PCDHA7: variants seen among roughly 807,000 people sequenced by gnomAD.
PCDHA7 encodes protocadherin alpha 7, also known as protocadherin alpha-7.
A neutral mutation model predicts 57.2 loss-of-function variants in PCDHA7; 37 were observed. The ratio of observed to expected loss-of-function variants is 0.65; its 90% CI spans 0.50 to 0.85. The LOEUF is 0.85. Ranked by LOEUF, PCDHA7 falls within the 40% of genes least tolerant of loss-of-function variation. The probability of loss-of-function intolerance (pLI) is 0.00; values close to 1 mark genes in which losing one functional copy is unlikely to be tolerated. For missense variants in PCDHA7, 1,188 were observed against 1,241.8 expected, an observed-to-expected ratio of 0.96 and a Z score of 0.65; for synonymous variants, 553 against 558.8, an observed-to-expected ratio of 0.99 and a Z score of 0.15.
At chr5:140,917,374 C>T (rs1378508006) in intron 1 of PCDHA7, among the ~76,000 whole-genome samples, 1 of 151,778 alleles carries the variant, frequency 6.6e-6, no homozygotes, top group East Asian at 1.9e-4. Flanking sequence ...CTTGCTCCAC[C>T]TCAATAGTCT....
intron 1 of PCDHA7, chr5:140,882,291 G>A: frequency 6.2e-7 from 1 of 1,613,650 alleles, no homozygotes; most frequent in Non-Finnish European, 8.5e-7. Flanking sequence ...TGGCAAGGAG[G>A]CCCAAGACCG....
At chr5:140,952,098 C>T (rs1337442909) in intron 1 of PCDHA7, among the ~76,000 whole-genome samples, 2 of 152,108 alleles carry the variant, frequency 1.3e-5, no homozygotes, top group African/African-American at 4.8e-5. Flanking sequence ...ACATCCAGGG[C>T]ACACTCGTGT....
At chr5:140,886,664 A>G (rs1404216677) in intron 1 of PCDHA7, among the ~76,000 whole-genome samples, 1 of 151,922 alleles carries the variant, frequency 6.6e-6, no homozygotes, top group East Asian at 1.9e-4. Flanking sequence ...TGTCTCTACT[A>G]AAAATACAAA....
chr5:140,903,513 T>C (rs2070347965), intron 1 of PCDHA7, among the ~76,000 whole-genome samples: 2 of 152,216 alleles, frequency 1.3e-5, no homozygotes, highest in South Asian at 2.1e-4. Flanking sequence ...AATAGTTCTA[T>C]TGTGTTGTTC....
At chr5:140,987,963 T>C (rs2097275753) in intron 3 of PCDHA7, among the ~76,000 whole-genome samples, 1 of 152,190 alleles carries the variant, frequency 6.6e-6, no homozygotes, top group Non-Finnish European at 1.5e-5. Context: ...CAACTCCCCA[T>C]GGAAAGACTC....
Position 140,835,111 on chromosome 5 carries a change from A to G in PCDHA7, c.728A>G (p.Asp243Gly). 2.3e-6 allele frequency: 3 copies of G among 1,290,786 alleles called. No individual in the cohort carries two copies. Among genetic ancestry groups the G allele is most frequent in the Middle Eastern group, 2.7e-4 (1 of 3,742 alleles). The allele number at this position is 1,290,786 out of a possible 1,614,324, so 80.0% of individuals were successfully genotyped here. The change falls in exon 1 of 4, where the codon GAC becomes GGC. Residue 243 changes from aspartate to glycine, a missense_variant. Transcript: ENST00000525929. ...LDNNDNAPVFDRTLYTVKLPE... is the reference protein window; with the variant it reads ...LDNNDNAPVFGRTLYTVKLPE... ...AACAATGACAATGCCCCAGTGTTCG[A>G]CAGAACCCTGTATACGGTGAAATTA...
chr5:140,963,238 A>G (rs1347398946), intron 1 of PCDHA7, among the ~76,000 whole-genome samples: 1 of 152,090 alleles, frequency 6.6e-6, no homozygotes, highest in Non-Finnish European at 1.5e-5. Context: ...TGTTTGATGG[A>G]TTAGGTAGGT....
At position 140,926,851 on chromosome 5, in the gene PCDHA7, T is replaced by G. The variant is rs201136210; in HGVS notation, c.2356-52098T>G. On this transcript the variant is annotated intron_variant, in intron 1 of 3. Transcript: ENST00000525929. The stretch of plus-strand genomic sequence containing the variant: ...TCCGGAGCATGGTCCTGGGTCACCG[T>G]TGGTGTAGCGTGTTGGTGGAACGTG... 3 of 1,517,102 alleles carry G rather than the reference T, an allele frequency of 2.0e-6. No homozygotes were observed. In the African/African-American group the frequency reaches 4.2e-5, roughly 21 times the overall value. The allele number at this position is 1,517,102 out of a possible 1,614,324, so 94.0% of individuals were successfully genotyped here.
At chr5:140,928,666 T>C in intron 1 of PCDHA7, 8 of 1,614,212 alleles carry the variant, frequency 5.0e-6, no homozygotes, top group Non-Finnish European at 6.8e-6. Context: ...TGACAGTGGT[T>C]CTAATGCCTG....
chr5:141,006,177 AAG>A (rs2098258661), intron 3 of PCDHA7, among the ~76,000 whole-genome samples: 2 of 151,826 alleles, frequency 1.3e-5, no homozygotes, highest in African/African-American at 4.8e-5. Context: ...ATATTTTTAA[AAG>A]AGTTTGCTAT....
At chr5:140,903,321 T>A (rs2070191003) in intron 1 of PCDHA7, among the ~76,000 whole-genome samples, 1 of 152,174 alleles carries the variant, frequency 6.6e-6, no homozygotes, top group Non-Finnish European at 1.5e-5. Flanking sequence ...GACAGCATTT[T>A]TATTGAGGAA....
chr5:140,923,665 C>T (rs369836298), intron 1 of PCDHA7, among the ~76,000 whole-genome samples: 77 of 152,288 alleles, frequency 5.1e-4, no homozygotes, highest in African/African-American at 1.6e-3. Flanking sequence ...TTTGGGATAT[C>T]GTTCTCTCTT....
intron 1 of PCDHA7, chr5:140,969,405 C>T (rs781817372): frequency 6.3e-7 from 1 of 1,577,066 alleles, no homozygotes; most frequent in Non-Finnish European, 8.6e-7. Flanking sequence ...TGTGATTTGG[C>T]TTTATTGAGT....
chr5:140,863,595 A>T (rs976338326), intron 1 of PCDHA7: 15 of 357,408 alleles, frequency 4.2e-5, no homozygotes, highest in Admixed American at 3.4e-4. Flanking sequence ...AAAGTATTTC[A>T]TTCCTATTAA....
intron 1 of PCDHA7, among the ~76,000 whole-genome samples, chr5:140,902,546 A>G (rs1456804685): frequency 6.6e-6 from 1 of 152,088 alleles, no homozygotes; most frequent in Non-Finnish European, 1.5e-5. Context: ...TGTTCCTTCT[A>G]TACCCAGATT....
At chr5:140,958,810 G>T (rs2095443726) in intron 1 of PCDHA7, among the ~76,000 whole-genome samples, 1 of 151,988 alleles carries the variant, frequency 6.6e-6, no homozygotes, top group Non-Finnish European at 1.5e-5. Context: ...ACACCATTCT[G>T]TTTTAATTTT....
At chr5:140,933,401 C>T (rs1382982699) in intron 1 of PCDHA7, among the ~76,000 whole-genome samples, 1 of 151,928 alleles carries the variant, frequency 6.6e-6, no homozygotes, top group African/African-American at 2.4e-5. Flanking sequence ...ATCTGGTTAC[C>T]ATCTACAGAT....
At chr5:140,855,165 T>C (rs1172731300) in intron 1 of PCDHA7, among the ~76,000 whole-genome samples, 1 of 149,930 alleles carries the variant, frequency 6.7e-6, no homozygotes, top group Non-Finnish European at 1.5e-5. Context: ...TTGAGCCTCA[T>C]GAAAACAAAT....
chr5:140,967,876 G>T, intron 1 of PCDHA7: 1 of 1,614,144 alleles, frequency 6.2e-7, no homozygotes, highest in Non-Finnish European at 8.5e-7. Context: ...TCACGGACCT[G>T]TATAGCCCAG....
Sources: gnomAD v4.1 joint callset for allele counts (sites outside exome capture counted in the v4.1 genomes callset) on GRCh38, gnomAD v4.1.1 for gene constraint, MANE v1.5 for transcripts, NCBI Gene and HGNC (gene_info 2026-07-23, HGNC 2026-07-21) for gene names.